The following SCLY variants were observed in gnomAD, a reference collection of about 807,000 sequenced individuals.
The protein encoded by SCLY is selenocysteine lyase.
In SCLY, 38 loss-of-function variants were observed where a neutral mutation model predicts 50.1. The ratio of observed to expected loss-of-function variants is 0.76; its 90% CI spans 0.59 to 0.99. The LOEUF (loss-of-function observed/expected upper bound fraction) is 0.99, where lower values mean the gene tolerates loss of function less well. Among genes scored for constraint, SCLY ranks in the 50% least tolerant of loss-of-function variants. The probability of loss-of-function intolerance (pLI) is 0.00; values close to 1 mark genes in which losing one functional copy is unlikely to be tolerated. For synonymous variants in SCLY, 243 were observed against 249.4 expected (o/e 0.97, Z 0.24); for missense variants, 600 against 620.0 (o/e 0.97, Z 0.34).
At chr2:238,097,203 T>G (rs2065447624) in intron 11 of SCLY, among the ~76,000 whole-genome samples, 1 of 151,248 alleles carries the variant, frequency 6.6e-6, no homozygotes, top group African/African-American at 2.4e-5. Context: ...ATGGCCTGAG[T>G]GTCAGTGCTT....
At chr2:238,061,880 G>A (rs941689400) in intron 1 of SCLY, among the ~76,000 whole-genome samples, 1 of 152,106 alleles carries the variant, frequency 6.6e-6, no homozygotes, top group African/African-American at 2.4e-5. Flanking sequence ...GCATTTTCTG[G>A]TTTGTGTGTC....
In SCLY at chr2:238,082,038, C is replaced by A; in HGVS notation, c.613-7C>A. ...CAACATACTCAACTGTTTCCTTTCC[C>A]CGTCAGCCTGTCCCTGAAATCAGTC... is the stretch of plus-strand genomic sequence containing the variant. On this transcript the variant is annotated splice_region_variant and splice_polypyrimidine_tract_variant and intron_variant, in intron 5 of 11. Coordinates refer to ENST00000254663, the MANE Select transcript of SCLY (RefSeq NM_016510.7). The A allele has an allele frequency of 6.2e-7, 1 of 1,610,526 alleles. No individual in the cohort carries two copies. The highest frequency in any genetic ancestry group is 8.5e-7 in the Non-Finnish European group (1 of 1,177,066).
Position 238,081,782 on chromosome 2 carries a change from G to C in SCLY, c.558G>C (p.Pro186=). The C allele has an allele frequency of 1.2e-6, 2 of 1,614,132 alleles. No individual in the cohort carries two copies. The highest frequency in any genetic ancestry group is 1.7e-6 in the Non-Finnish European group (2 of 1,180,032). The part of the protein sequence containing the change: ...EVDDILAAVR[P]TTRLVTIMLA... ...ACGACATCCTCGCGGCAGTCCGCCC[G>C]ACCACACGCCTCGTGACCATCATGC... Residue 186 remains proline (P), a synonymous_variant, in exon 5 of 12, where the codon CCG becomes CCC. Transcript: ENST00000254663.
chr2:238,090,377 G>A (rs1428419534), intron 7 of SCLY, among the ~76,000 whole-genome samples: 2 of 152,198 alleles, frequency 1.3e-5, no homozygotes, highest in Non-Finnish European at 2.9e-5. Context: ...TGGGCCGGGC[G>A]CAGTGGCTTA....
chr2:238,088,172 C>T (rs866834621), intron 7 of SCLY, among the ~76,000 whole-genome samples: 3 of 152,080 alleles, frequency 2.0e-5, no homozygotes, highest in Admixed American at 1.3e-4. Flanking sequence ...ATTCAAAATG[C>T]GATCTAGAGC....
intron 10 of SCLY, 139 bp from the exon 11 acceptor site, chr2:238,096,655 CCCAGCTG>C: frequency 1.2e-6 from 1 of 852,426 alleles, no homozygotes; most frequent in East Asian, 2.7e-5. Flanking sequence ...GAGATCTCTC[CCCAGCTG>C]CCAGAATGGC....
rs986656395 is a variant in SCLY at position 238,098,468 on chromosome 2, T to C, written c.*113T>C. 6 of 1,252,434 alleles carry C rather than the reference T, an allele frequency of 4.8e-6. No homozygotes were observed. Among genetic ancestry groups the C allele is most frequent in the Non-Finnish European group, 6.5e-6 (6 of 927,286 alleles). The allele number at this position is 1,252,434 out of a possible 1,614,324, so 77.6% of individuals were successfully genotyped here. A position where few individuals can be genotyped will look rare whatever the true frequency, so the allele number is the denominator to read the frequency against. On this transcript the variant is annotated 3_prime_UTR_variant, in exon 12 of 12. Transcript: ENST00000254663. ...CAGGATGACTGTCTCATGCCCCCTC[T>C]GCATTTTGTCCTGGAGTGCCAGCGA...
In SCLY at chr2:238,066,800, A is replaced by G. The variant is rs1356086725; in HGVS notation, c.203-1265A>G. Among the ~76,000 whole-genome samples, 1 of 152,200 alleles carries G rather than the reference A, an allele frequency of 6.6e-6. No individual in the cohort carries two copies. The highest frequency in any genetic ancestry group is 1.5e-5 in the Non-Finnish European group (1 of 68,042). ...AGATGTACCTGAGACTGGGTAATTTATAAAGGAAAGAGGTTTAATTGACTC... is the reference window on the plus strand; with the variant it reads ...AGATGTACCTGAGACTGGGTAATTTGTAAAGGAAAGAGGTTTAATTGACTC... On this transcript the variant is annotated intron_variant, in intron 2 of 11. Coordinates refer to ENST00000254663, the MANE Select transcript of SCLY (RefSeq NM_016510.7). The surrounding 1 kb of genome is among the most constrained non-coding windows in gnomAD (Gnocchi z 4.1).
chr2:238,076,173 C>T (rs2065172277), intron 4 of SCLY, among the ~76,000 whole-genome samples: 2 of 151,524 alleles, frequency 1.3e-5, no homozygotes, highest in Non-Finnish European at 2.9e-5. Context: ...CTTACTGCAA[C>T]CTCCACCTCC....
rs1691378991 is a variant in SCLY, at chr2:238,099,009, C to A, written c.*654C>A. 7 of 338,426 alleles carry A rather than the reference C, an allele frequency of 2.1e-5. No individual in the cohort carries two copies. The highest frequency in any genetic ancestry group is 1.7e-4 in the South Asian group (7 of 41,356). The allele number at this position is 338,426 out of a possible 1,614,324, so 21.0% of individuals were successfully genotyped here. On this transcript the variant is annotated 3_prime_UTR_variant, in exon 12 of 12. Coordinates refer to ENST00000254663, the MANE Select transcript of SCLY (RefSeq NM_016510.7). Reference sequence around the variant, plus strand: ...TCTGCTCAGCGCCCACCGCCCACCACCCCTCCTGCTTCCCCGAGCCTGACC... The same window carrying A: ...TCTGCTCAGCGCCCACCGCCCACCAACCCTCCTGCTTCCCCGAGCCTGACC...
chr2:238,082,155 G>A lies in SCLY; in HGVS notation c.723G>A (p.Gln241=). 1 of 1,612,492 alleles carries A rather than the reference G, an allele frequency of 6.2e-7. No homozygotes were observed. Among genetic ancestry groups the A allele is most frequent in the Non-Finnish European group, 8.5e-7 (1 of 1,179,872 alleles). ...HTDAAQALGK[Q]RVDVEDLGVD... ...ATGCTGCACAGGCCTTGGGGAAGCA[G>A]CGCGTGGATGTGGAGGACCTGGGCG... is the stretch of plus-strand genomic sequence containing the variant. The change falls in exon 6 of 12, where the codon CAG becomes CAA. Residue 241 remains glutamine, a synonymous_variant. Transcript: ENST00000254663.
chr2:238,081,936 T>A, intron 5 of SCLY, 100 bp downstream of exon 5: 2 of 1,575,586 alleles, frequency 1.3e-6, no homozygotes, highest in Non-Finnish European at 1.7e-6. Flanking sequence ...CTCTCCCGTT[T>A]CTCTGTTCAC....
chr2:238,065,610 G>A (rs1458241692), intron 2 of SCLY, among the ~76,000 whole-genome samples: 1 of 150,554 alleles, frequency 6.6e-6, no homozygotes, highest in Non-Finnish European at 1.5e-5. Flanking sequence ...AATTTATAGA[G>A]TGGTTTAATT....
intron 1 of SCLY, among the ~76,000 whole-genome samples, chr2:238,061,893 C>G (rs2065022490): frequency 6.6e-6 from 1 of 152,168 alleles, no homozygotes; most frequent in South Asian, 2.1e-4. Flanking sequence ...TGTGTGTCTT[C>G]TTTCCAGACC....
At chr2:238,091,517 C>G in intron 8 of SCLY, 1 of 488,454 alleles carries the variant, frequency 2.0e-6, no homozygotes, top group Non-Finnish European at 3.7e-6. Flanking sequence ...GATACTGTTA[C>G]AGCAGAGGTG....
intron 1 of SCLY, among the ~76,000 whole-genome samples, chr2:238,064,061 T>A (rs184628349): frequency 1.3e-3 from 191 of 152,276 alleles, no homozygotes; most frequent in African/African-American, 4.3e-3. Flanking sequence ...ACAGGCACAA[T>A]CCACTGTGCC....
At chr2:238,084,174 G>A (rs985568613) in intron 7 of SCLY, among the ~76,000 whole-genome samples, 14 of 152,212 alleles carry the variant, frequency 9.2e-5, no homozygotes, top group African/African-American at 3.4e-4. Flanking sequence ...AGAAGGCCAG[G>A]TAGAGAACCG....
chr2:238,082,877 C>T (rs1351517020), intron 6 of SCLY: 2 of 320,648 alleles, frequency 6.2e-6, no homozygotes, highest in African/African-American at 4.3e-5. Flanking sequence ...AAAGCCCTGG[C>T]CAACCGCTGG....
intron 4 of SCLY, chr2:238,073,858 T>G (rs2065148624): frequency 2.3e-6 from 1 of 435,404 alleles, no homozygotes; most frequent in Non-Finnish European, 4.6e-6. Context: ...GTAAATATAT[T>G]TTTATTCCTT....
Sources: gnomAD v4.1 joint callset for allele counts (sites outside exome capture counted in the v4.1 genomes callset) on GRCh38, gnomAD v4.1.1 for gene constraint, Gnocchi (gnomAD v3.1) non-coding constraint, MANE v1.5 for transcripts, NCBI Gene and HGNC (gene_info 2026-07-23, HGNC 2026-07-21) for gene names.